FAR2: variants seen among roughly 807,000 people sequenced by gnomAD.
The protein encoded by FAR2 is epididymis secretory protein Li 81.
In FAR2, 19 loss-of-function variants were observed where a neutral mutation model predicts 56.0. That is an observed-to-expected ratio of 0.34 (90% CI 0.24 to 0.50). The LOEUF is 0.50. FAR2 is among the 20% of genes least tolerant of loss of function. The pLI is 0.98. For missense variants in FAR2, 508 were observed against 642.2 expected (o/e 0.79, Z 2.26); for synonymous variants, 219 against 218.8 (o/e 1.00, Z -0.01).
At chr12:29,333,493 A>G (rs1949759900) in intron 11 of FAR2, 139 bp from the exon 12 acceptor site, 5 of 728,002 alleles carry the variant, frequency 6.9e-6, no homozygotes, top group South Asian at 2.1e-5. Flanking sequence ...GCAGAAACCA[A>G]TTGGCCAAGT....
At chr12:29,231,743 A>G (rs533676917) in intron 1 of FAR2, among the ~76,000 whole-genome samples, 3 of 152,318 alleles carry the variant, frequency 2.0e-5, no homozygotes, top group Non-Finnish European at 4.4e-5. Flanking sequence ...TGATGCGTGC[A>G]GATACTAGTA....
chr12:29,166,807 T>TCCA (rs769424809), intron 1 of FAR2, among the ~76,000 whole-genome samples: 10 of 152,228 alleles, frequency 6.6e-5, no homozygotes, highest in Non-Finnish European at 1.3e-4. Context: ...CTTCTTTACT[T>TCCA]CCAGCTCTCT....
intron 1 of FAR2, among the ~76,000 whole-genome samples, chr12:29,211,204 T>C (rs559277440): frequency 6.6e-6 from 1 of 152,078 alleles, no homozygotes; most frequent in Admixed American, 6.6e-5. Context: ...GACAGGAGAA[T>C]TGCTTGAACC....
intron 1 of FAR2, among the ~76,000 whole-genome samples, chr12:29,204,864 G>A (rs751339910): frequency 1.3e-5 from 2 of 152,140 alleles, no homozygotes; most frequent in Non-Finnish European, 2.9e-5. Flanking sequence ...GCACCAAGGA[G>A]ATGGTGCTAA....
chr12:29,164,471 C>G (rs987220170), intron 1 of FAR2, among the ~76,000 whole-genome samples: 1 of 152,214 alleles, frequency 6.6e-6, no homozygotes, highest in Non-Finnish European at 1.5e-5. Flanking sequence ...CCTAGCCCAA[C>G]TCTTGGTACC....
In FAR2 at chr12:29,297,193, T is replaced by G; in HGVS notation, c.538T>G (p.Ser180Ala). The G allele has an allele frequency of 1.9e-6, 3 of 1,611,360 alleles. No individual in the cohort carries two copies. The Admixed American group carries it at 5.0e-5, about 27-fold the overall frequency. ...TGTGGAGCCAAAAAAAATCATTGAT[T>G]CCCTTGAGTAAGTTGGTCTAATAAA... is the stretch of plus-strand genomic sequence containing the variant. ...CPVEPKKIID[S>A]LEWLDDAIID... The change falls in exon 4 of 12, where the codon TCC becomes GCC. Residue 180 changes from serine (S) to alanine (A), a missense_variant. Coordinates refer to ENST00000536681, the MANE Select transcript of FAR2 (RefSeq NM_001271783.2).
At chr12:29,175,008 AGAGTTG>A (rs1471859839) in intron 1 of FAR2, among the ~76,000 whole-genome samples, 6 of 152,284 alleles carry the variant, frequency 3.9e-5, no homozygotes, top group African/African-American at 1.4e-4. Flanking sequence ...CCAACTCCAA[AGAGTTG>A]GGGGTTGTTA....
chr12:29,232,552 A>G (rs943191618), intron 1 of FAR2, among the ~76,000 whole-genome samples: 1 of 152,044 alleles, frequency 6.6e-6, no homozygotes, highest in Non-Finnish European at 1.5e-5. Flanking sequence ...GCTATATCAA[A>G]TAGAGGTTGT....
intron 2 of FAR2, chr12:29,293,095 G>A (rs1948999324): frequency 1.2e-5 from 5 of 402,328 alleles, no homozygotes; most frequent in Middle Eastern, 6.7e-4. Context: ...TCGAACTCCT[G>A]GGCTCAAGTG....
rs1254719884 is a variant in FAR2 at position 29,335,307 on chromosome 12, A to G, written c.*1513A>G. Reference sequence around the variant, plus strand: ...CATTTTGGAGGAACTCTTCTGGGCAATATCTTTCCCAATCTCATCTAAATT... The same window carrying G: ...CATTTTGGAGGAACTCTTCTGGGCAGTATCTTTCCCAATCTCATCTAAATT... On this transcript the variant is annotated 3_prime_UTR_variant, in exon 12 of 12. Coordinates refer to ENST00000536681, the MANE Select transcript of FAR2 (RefSeq NM_001271783.2). 1 of 152,160 alleles carries G rather than the reference A, an allele frequency of 6.6e-6. No homozygotes were observed. The highest frequency in any genetic ancestry group is 1.5e-5 in the Non-Finnish European group (1 of 68,032). The allele number at this position is 152,160 out of a possible 1,614,324, so 9.4% of individuals were successfully genotyped here.
intron 2 of FAR2, chr12:29,277,932 C>CTTTTTTTTTTTTT (rs59443228): frequency 1.4e-4 from 16 of 115,452 alleles, no homozygotes; most frequent in Non-Finnish European, 2.4e-4. Flanking sequence ...TATTTTCTTT[C>CTTTTTTTTTTTTT]TTTTTTTTTT....
intron 1 of FAR2, among the ~76,000 whole-genome samples, chr12:29,210,108 GA>G (rs202171328): frequency 0.011 from 1,717 of 152,158 alleles, 24 homozygotes; most frequent in African/African-American, 0.028. Context: ...CTTGGAGGCT[GA>G]AAGTGGGAAG....
At chr12:29,263,063 T>C (rs928242655) in intron 1 of FAR2, among the ~76,000 whole-genome samples, 4 of 152,220 alleles carry the variant, frequency 2.6e-5, no homozygotes, top group African/African-American at 7.2e-5. Flanking sequence ...AATGTCATTA[T>C]ATAATGATAA....
intron 1 of FAR2, among the ~76,000 whole-genome samples, chr12:29,172,616 A>C (rs1035967355): frequency 6.6e-6 from 1 of 152,170 alleles, no homozygotes; most frequent in Non-Finnish European, 1.5e-5. Context: ...GATTTTGTTC[A>C]GGACCCAGGG....
chr12:29,332,132 C>A (rs1949739815), intron 10 of FAR2, among the ~76,000 whole-genome samples: 1 of 152,036 alleles, frequency 6.6e-6, no homozygotes, highest in Non-Finnish European at 1.5e-5. Context: ...GGCTTTGCTT[C>A]CCAAAGTTTA....
chr12:29,174,484 T>C (rs1361862156), intron 1 of FAR2, among the ~76,000 whole-genome samples: 1 of 122,274 alleles, frequency 8.2e-6, no homozygotes, highest in African/African-American at 3.1e-5. Context: ...TCACCCAGGC[T>C]AGAGTGCAGT....
intron 1 of FAR2, among the ~76,000 whole-genome samples, chr12:29,177,862 A>G (rs1333105267): frequency 6.6e-6 from 1 of 152,156 alleles, no homozygotes; most frequent in East Asian, 1.9e-4. Flanking sequence ...AACATACAAC[A>G]ACAACAAAAA....
intron 1 of FAR2, among the ~76,000 whole-genome samples, chr12:29,194,070 C>T (rs1950124316): frequency 6.6e-6 from 1 of 152,100 alleles, no homozygotes; most frequent in South Asian, 2.1e-4. Flanking sequence ...TTGCTCTCTC[C>T]GTAGGTTAAC....
intron 1 of FAR2, among the ~76,000 whole-genome samples, chr12:29,229,405 A>G (rs2136649249): frequency 6.6e-6 from 1 of 152,350 alleles, no homozygotes; most frequent in African/African-American, 2.4e-5. Flanking sequence ...TAAAGAAAAT[A>G]AAATGAAAAG....
Sources: allele counts gnomAD v4.1 joint callset (sites outside exome capture counted in the v4.1 genomes callset), GRCh38; gene constraint gnomAD v4.1.1; transcripts MANE v1.5; gene names NCBI Gene and HGNC (gene_info 2026-07-23, HGNC 2026-07-21).